The following UBE2QL1 variants were observed in gnomAD, a reference collection of about 807,000 sequenced individuals.
UBE2QL1 encodes ubiquitin conjugating enzyme E2 QL1.
UBE2QL1 carries 5 observed loss-of-function variants against 12.6 expected under a neutral mutation model. The observed-to-expected ratio is 0.40, with a 90% CI of 0.21 to 0.83. The LOEUF is 0.83. Ranked by LOEUF, UBE2QL1 falls within the 40% of genes least tolerant of loss-of-function variation. UBE2QL1 has a pLI of 0.37. For synonymous variants in UBE2QL1, 96 were observed against 94.5 expected (o/e 1.02, Z -0.10); for missense variants, 99 against 222.6 (o/e 0.44, Z 3.53).
intron 1 of UBE2QL1, among the ~76,000 whole-genome samples, chr5:6,490,853 G>A (rs1158605980): frequency 6.6e-6 from 1 of 152,204 alleles, no homozygotes; most frequent in South Asian, 2.1e-4. Context: ...ATGCTTGGCT[G>A]TGAATTGATG....
chr5:6,482,279 A>G (rs1734377932), intron 1 of UBE2QL1, among the ~76,000 whole-genome samples: 1 of 152,206 alleles, frequency 6.6e-6, no homozygotes, highest in South Asian at 2.1e-4. Context: ...GTGAGAGAGC[A>G]TATTTCTGTT....
At chr5:6,473,630 T>C (rs1057405491) in intron 1 of UBE2QL1, among the ~76,000 whole-genome samples, 3 of 152,252 alleles carry the variant, frequency 2.0e-5, no homozygotes, top group African/African-American at 7.2e-5. Context: ...GGATTTTCTA[T>C]GTAGGCAATT....
chr5:6,461,776 C>T (rs370187678), intron 1 of UBE2QL1, among the ~76,000 whole-genome samples: 4 of 152,194 alleles, frequency 2.6e-5, no homozygotes, highest in African/African-American at 9.6e-5. Flanking sequence ...TTAGCTGTCA[C>T]GTAATCTTTT....
At chr5:6,483,994 C>T (rs1052755013) in intron 1 of UBE2QL1, among the ~76,000 whole-genome samples, 35 of 152,260 alleles carry the variant, frequency 2.3e-4, no homozygotes, top group Admixed American at 2.2e-3. Flanking sequence ...AAAGTGTAAC[C>T]GAAAGATCAG....
chr5:6,463,598 G>GTTGTTATTATTATTA (rs1553988055), intron 1 of UBE2QL1, among the ~76,000 whole-genome samples: 31 of 137,306 alleles, frequency 2.3e-4, no homozygotes, highest in African/African-American at 7.5e-4. Context: ...TATTTGTGCT[G>GTTGTTATTATTATTA]TTATTATTAT....
chr5:6,463,507 C>A (rs1739717570), intron 1 of UBE2QL1, among the ~76,000 whole-genome samples: 3 of 152,068 alleles, frequency 2.0e-5, no homozygotes, highest in Admixed American at 1.3e-4. Flanking sequence ...TTGATCACCA[C>A]CCCCTCCCCA....
In UBE2QL1 at chr5:6,496,257, GAC is replaced by G. The variant is rs1036818756; in HGVS notation, c.*4909_*4910del. The stretch of plus-strand genomic sequence containing the variant: ...TCCTTCTACTGGTGGTAAATTAAGT[GAC>G]TGTCCTACTTTGTAGACATGCAATC... On this transcript the variant is annotated 3_prime_UTR_variant, in exon 2 of 2. Coordinates refer to ENST00000399816, the MANE Select transcript of UBE2QL1 (RefSeq NM_001145161.3). Among the ~76,000 whole-genome samples, 2 of 152,176 alleles carry G rather than the reference GAC, an allele frequency of 1.3e-5. No individual in the cohort carries two copies. The highest frequency in any genetic ancestry group is 2.9e-5 in the Non-Finnish European group (2 of 68,036).
chr5:6,480,919 T>C (rs1734345746), intron 1 of UBE2QL1, among the ~76,000 whole-genome samples: 1 of 152,132 alleles, frequency 6.6e-6, no homozygotes, highest in Non-Finnish European at 1.5e-5. Context: ...TGGCAAGCAT[T>C]TCATAAACCT....
intron 1 of UBE2QL1, among the ~76,000 whole-genome samples, chr5:6,464,902 T>C (rs1739752301): frequency 6.6e-6 from 1 of 152,208 alleles, no homozygotes; most frequent in African/African-American, 2.4e-5. Flanking sequence ...TTCAATGGAT[T>C]ACCAATAGCA....
Position 6,460,376 on chromosome 5 carries a change from C to T in UBE2QL1, c.354+11129C>T, listed in dbSNP as rs1430950848. ...AATTAAATGCACAGAAATGTATGGC[C>T]AAGACACAGCAGCCTCCAATGCACA... On this transcript the variant is annotated intron_variant, in intron 1 of 1. Transcript: ENST00000399816. Among the ~76,000 whole-genome samples, 4 of 152,180 alleles carry T rather than the reference C, an allele frequency of 2.6e-5. No homozygotes were observed. The East Asian group carries it at 7.7e-4, about 29-fold the overall frequency.
Position 6,494,766 on chromosome 5 carries a change from C to T in UBE2QL1, c.*3417C>T, listed in dbSNP as rs1005477725. On this transcript the variant is annotated 3_prime_UTR_variant, in exon 2 of 2. Coordinates refer to ENST00000399816, the MANE Select transcript of UBE2QL1 (RefSeq NM_001145161.3). ...TGGTAATCATATACTTGCTTTCTGT[C>T]CCCAGTTCTTACATTAAGTCAACCA... 2.6e-5 allele frequency: 4 copies of T among 152,158 alleles called. No individual in the cohort carries two copies. Among genetic ancestry groups the T allele is most frequent in the African/African-American group, 9.7e-5 (4 of 41,442 alleles). The allele number at this position is 152,158 out of a possible 1,614,324, so 9.4% of individuals were successfully genotyped here.
At chr5:6,486,341 AACAC>A (rs527687089) in intron 1 of UBE2QL1, among the ~76,000 whole-genome samples, 3 of 150,168 alleles carry the variant, frequency 2.0e-5, no homozygotes, top group East Asian at 2.0e-4. Flanking sequence ...CACACACACA[AACAC>A]ACACACACAC....
chr5:6,496,284 C>T lies in UBE2QL1; in HGVS notation c.*4935C>T, dbSNP rs1039144419. On this transcript the variant is annotated 3_prime_UTR_variant, in exon 2 of 2. Coordinates refer to ENST00000399816, the MANE Select transcript of UBE2QL1 (RefSeq NM_001145161.3). Reference sequence around the variant, plus strand: ...CTGTCCTACTTTGTAGACATGCAATCGTTTTGTACCTCTAGACCTTGGGCA... The same window carrying T: ...CTGTCCTACTTTGTAGACATGCAATTGTTTTGTACCTCTAGACCTTGGGCA... 3.3e-5 allele frequency among the ~76,000 whole-genome samples: 5 copies of T among 152,204 alleles called. No individual in the cohort carries two copies. Among genetic ancestry groups the T allele is most frequent in the East Asian group, 1.9e-4 (1 of 5,192 alleles).
intron 1 of UBE2QL1, among the ~76,000 whole-genome samples, chr5:6,451,959 T>C (rs899718747): frequency 6.6e-6 from 1 of 152,180 alleles, no homozygotes; most frequent in African/African-American, 2.4e-5. Flanking sequence ...AACCGATAAT[T>C]ACTTTAAAAG....
At chr5:6,467,409 C>G (rs965615964) in intron 1 of UBE2QL1, among the ~76,000 whole-genome samples, 1 of 152,098 alleles carries the variant, frequency 6.6e-6, no homozygotes, top group African/African-American at 2.4e-5. Context: ...GGCTTGTAGA[C>G]ATCATCTTCT....
At chr5:6,474,275 GGTTAACAACCAGGA>G (rs1734166514) in intron 1 of UBE2QL1, among the ~76,000 whole-genome samples, 1 of 152,374 alleles carries the variant, frequency 6.6e-6, no homozygotes, top group African/African-American at 2.4e-5. Flanking sequence ...GTGCTTAGGA[GGTTAACAACCAGGA>G]GTACGTGCAT....
rs572524496 is a variant in UBE2QL1 at position 6,475,244 on chromosome 5, C to T, written c.355-15974C>T. Reference sequence around the variant, plus strand: ...GCCATCCTAGTTGCTTATAGAAAATCTCTTGTTAATTTTATTAGGTCAATC... The same window carrying T: ...GCCATCCTAGTTGCTTATAGAAAATTTCTTGTTAATTTTATTAGGTCAATC... On this transcript the variant is annotated intron_variant, in intron 1 of 1. Transcript: ENST00000399816. 2.2e-4 allele frequency among the ~76,000 whole-genome samples: 34 copies of T among 152,258 alleles called. 1 individual carries two copies. The South Asian group carries it at 6.6e-3, about 30-fold the overall frequency.
chr5:6,452,774 A>T (rs1416932311), intron 1 of UBE2QL1, among the ~76,000 whole-genome samples: 1 of 152,232 alleles, frequency 6.6e-6, no homozygotes, highest in Non-Finnish European at 1.5e-5. Flanking sequence ...GAAGAGTGCC[A>T]GAGTTTACTG....
At chr5:6,472,049 C>T (rs1419078884) in intron 1 of UBE2QL1, among the ~76,000 whole-genome samples, 1 of 152,072 alleles carries the variant, frequency 6.6e-6, no homozygotes, top group Non-Finnish European at 1.5e-5. Context: ...TCATGTCATT[C>T]CGTGCATATG....
Sources: allele counts gnomAD v4.1 joint callset (sites outside exome capture counted in the v4.1 genomes callset), GRCh38; gene constraint gnomAD v4.1.1; transcripts MANE v1.5; gene names NCBI Gene and HGNC (gene_info 2026-07-23, HGNC 2026-07-21).